Variants in WBP2 observed in about 807,000 individuals in gnomAD.
WBP2 encodes the protein WW domain binding protein 2.
Under a neutral mutation model 33.0 loss-of-function variants are expected in WBP2, and 23 were observed. The ratio of observed to expected loss-of-function variants is 0.70; its 90% CI spans 0.50 to 0.99. The LOEUF (loss-of-function observed/expected upper bound fraction) is 0.99, where lower values mean the gene tolerates loss of function less well. Ranked by LOEUF, WBP2 falls within the 50% of genes least tolerant of loss-of-function variation. The probability of loss-of-function intolerance (pLI) is 0.00; values close to 1 mark genes in which losing one functional copy is unlikely to be tolerated. For missense variants in WBP2, 353 were observed against 358.0 expected, an observed-to-expected ratio of 0.99 and a Z score of 0.11; for synonymous variants, 153 against 133.5, an observed-to-expected ratio of 1.15 and a Z score of -1.01.
chr17:75,847,349 G>C, intron 6 of WBP2, 138 bp downstream of exon 6: 2 of 1,374,456 alleles, frequency 1.5e-6, no homozygotes, highest in Non-Finnish European at 2.0e-6. Flanking sequence ...CCACAGCCCT[G>C]CTGGGCCCCT....
rs1040147482 is a variant in WBP2 at position 75,849,849 on chromosome 17, C to T, written c.169-110G>A. On this transcript the variant is annotated intron_variant, in intron 2 of 7. Transcript: ENST00000254806. Reference sequence around the variant, plus strand: ...ATCCTCTCCCAGTGCCAGGGTCCAGCAGCCCCATGGCTCTCTCTGTGCCAG... The same window carrying T: ...ATCCTCTCCCAGTGCCAGGGTCCAGTAGCCCCATGGCTCTCTCTGTGCCAG... 11 of 1,430,496 alleles carry T rather than the reference C, an allele frequency of 7.7e-6. No homozygotes were observed. In the African/African-American group the frequency reaches 1.3e-4, roughly 16 times the overall value. The allele number at this position is 1,430,496 out of a possible 1,614,324, so 88.6% of individuals were successfully genotyped here.
Position 75,847,831 on chromosome 17 carries a change from C to T in WBP2, c.497G>A (p.Cys166Tyr), listed in dbSNP as rs1437565981. The change falls in exon 5 of 8, where the codon TGC becomes TAC. Residue 166 changes from cysteine to tyrosine, a missense_variant. Cys to Tyr is a radical substitution (Grantham distance 194). Transcript: ENST00000254806. ...CGGTGGATAGGGGTAGCCAGGAGGG[C>T]AGGGGTACATTCCATTGGCGACTGG... is the stretch of plus-strand genomic sequence containing the variant. ...PPPVANGMYPCPPGYPYPPPP... is the reference protein window; with the variant it reads ...PPPVANGMYPYPPGYPYPPPP... 1 of 1,558,264 alleles carries T rather than the reference C, an allele frequency of 6.4e-7. No individual in the cohort carries two copies. Among genetic ancestry groups the T allele is most frequent in the Admixed American group, 1.9e-5 (1 of 51,580 alleles).
At chr17:75,847,105 G>A (rs955253744) in intron 6 of WBP2, 121 bp from the exon 7 acceptor site, 3 of 1,098,024 alleles carry the variant, frequency 2.7e-6, no homozygotes, top group Admixed American at 4.2e-5. Context: ...CCACCAATGA[G>A]AGCAGCAGGT....
intron 6 of WBP2, 125 bp downstream of exon 6, chr17:75,847,362 G>C (rs1448247407): frequency 1.4e-6 from 2 of 1,424,014 alleles, no homozygotes; most frequent in Non-Finnish European, 9.6e-7. Flanking sequence ...GGGCCCCTGG[G>C]GTAGTCCAGG....
intron 3 of WBP2, 144 bp downstream of exon 3, chr17:75,849,460 C>T: frequency 9.5e-7 from 1 of 1,049,846 alleles, no homozygotes; most frequent in Non-Finnish European, 1.4e-6. Flanking sequence ...CAATCAAACC[C>T]CACCAGCTGG....
chr17:75,848,786 C>T lies in WBP2; in HGVS notation c.305-124G>A, dbSNP rs1289492255. 7.4e-6 allele frequency: 6 copies of T among 815,364 alleles called. No homozygotes were observed. In the Admixed American group the frequency reaches 8.3e-5, roughly 11 times the overall value. 50.5% of individuals were successfully genotyped at this position (815,364 alleles called of 1,614,324 possible). ...GAGGCCTGCGGGGGCTGGGCCTGCA[C>T]TGTGATGGGGACTTCCTGGTGCCAT... On this transcript the variant is annotated intron_variant, in intron 3 of 7. Transcript: ENST00000254806.
In WBP2 at chr17:75,847,500, G is replaced by A. The variant is rs368282914; in HGVS notation, c.642C>T (p.Pro214=). 1.7e-5 allele frequency: 27 copies of A among 1,590,936 alleles called. No individual in the cohort carries two copies. Among genetic ancestry groups the A allele is most frequent in the East Asian group, 2.2e-5 (1 of 44,660 alleles). The part of the protein sequence containing the change: ...MEPPVSGPDV[P]STPAAEAKAA... ...AAGGGCCCTCACCTGCAGGAGTGGA[G>A]GGGACATCGGGGCCGCTGACCGGAG... Residue 214 remains proline (P), a synonymous_variant, in exon 6 of 8, where the codon CCC becomes CCT. Transcript: ENST00000254806.
intron 4 of WBP2, chr17:75,848,144 G>A (rs1193841426): frequency 4.6e-6 from 3 of 655,506 alleles, no homozygotes; most frequent in Admixed American, 2.7e-5. Context: ...GGAAGGCAAG[G>A]GAGGTCAAGG....
chr17:75,853,942 G>A (rs1006092116), intron 1 of WBP2, among the ~76,000 whole-genome samples: 2 of 150,634 alleles, frequency 1.3e-5, no homozygotes, highest in Non-Finnish European at 3.0e-5. Context: ...CTACTGGGGA[G>A]GCTGAGGCAG....
At chr17:75,847,291 T>C (rs995489224) in intron 6 of WBP2, 196 bp downstream of exon 6, 13 of 892,682 alleles carry the variant, frequency 1.5e-5, no homozygotes, top group Non-Finnish European at 2.1e-5. Context: ...GGCACATGGA[T>C]AGCTAAGGGA....
At chr17:75,851,791 C>A (rs946524258) in intron 1 of WBP2, 115 bp from the exon 2 acceptor site, 1 of 752,566 alleles carries the variant, frequency 1.3e-6, no homozygotes, top group Admixed American at 1.9e-5. Flanking sequence ...CATAACCTCT[C>A]AATAGTGCGG....
chr17:75,848,354 C>A, intron 4 of WBP2: 1 of 601,576 alleles, frequency 1.7e-6, no homozygotes, highest in Non-Finnish European at 3.0e-6. Context: ...AAAACGTCAT[C>A]CACCTGCCCC....
At chr17:75,848,051 G>A in intron 4 of WBP2, 121 bp from the exon 5 acceptor site, 1 of 1,333,418 alleles carries the variant, frequency 7.5e-7, no homozygotes, top group East Asian at 2.5e-5. Context: ...GACATCCTCT[G>A]TCCATCCCAC....
upstream of WBP2, among the ~76,000 whole-genome samples, chr17:75,855,741 G>T (rs1039117381): frequency 6.6e-6 from 1 of 152,274 alleles, no homozygotes; most frequent in Non-Finnish European, 1.5e-5. Flanking sequence ...AGTCCTGCTG[G>T]TCGAATGCGA....
chr17:75,853,066 C>T (rs556784891), intron 1 of WBP2, among the ~76,000 whole-genome samples: 24 of 152,166 alleles, frequency 1.6e-4, no homozygotes, highest in South Asian at 1.0e-3. Context: ...TTTTTTGAGA[C>T]GGAGTTTCAC....
intron 3 of WBP2, chr17:75,848,867 C>T: frequency 1.7e-6 from 1 of 597,016 alleles, no homozygotes; most frequent in East Asian, 2.8e-5. Flanking sequence ...CCTGGCCCTG[C>T]TGTACTCGCT....
chr17:75,846,596 T>C lies in WBP2; in HGVS notation c.*138A>G, dbSNP rs2064993248. 8.8e-7 allele frequency: 1 copy of C among 1,134,438 alleles called. No homozygotes were observed. The highest frequency in any genetic ancestry group is 2.1e-5 in the Admixed American group (1 of 47,836). 70.3% of individuals were successfully genotyped at this position (1,134,438 alleles called of 1,614,324 possible). A position where few individuals can be genotyped will look rare whatever the true frequency, so the allele number is the denominator to read the frequency against. Reference sequence around the variant, plus strand: ...GGCCGGGGGCCCTAATGTCCCACAATGCTAGTTCCTGGTAATTGTTTATGA... The same window carrying C: ...GGCCGGGGGCCCTAATGTCCCACAACGCTAGTTCCTGGTAATTGTTTATGA... On this transcript the variant is annotated 3_prime_UTR_variant, in exon 8 of 8. Coordinates refer to ENST00000254806, the MANE Select transcript of WBP2 (RefSeq NM_012478.4). This position sits in a 1 kb window ranked among gnomAD's most constrained non-coding sequence, Gnocchi z 4.8.
rs1360654199 is a variant in WBP2 at position 75,854,069 on chromosome 17, AAAGAG to A, written c.59+1165_59+1169del. On this transcript the variant is annotated intron_variant, in intron 1 of 7. Coordinates refer to ENST00000254806, the MANE Select transcript of WBP2 (RefSeq NM_012478.4). Reference sequence around the variant, plus strand: ...AAAAAAAAAAAAAAAAAAAAAAAAAAAAGAGAAGAGAAGTACTGCTCAGAGAAAAG... The same window carrying A: ...AAAAAAAAAAAAAAAAAAAAAAAAAAAAGAGAAGTACTGCTCAGAGAAAAG... Among the ~76,000 whole-genome samples the A allele has an allele frequency of 5.0e-4, 74 of 148,190 alleles. 1 individual carries two copies. Among genetic ancestry groups the A allele is most frequent in the Middle Eastern group, 6.9e-3 (2 of 288 alleles).
chr17:75,850,036 G>A (rs559420202), intron 2 of WBP2, among the ~76,000 whole-genome samples: 14 of 152,264 alleles, frequency 9.2e-5, no homozygotes, highest in African/African-American at 3.1e-4. Context: ...TGTTGCCTAA[G>A]TGAAGGGGCC....
Sources: gnomAD v4.1 joint callset for allele counts (sites outside exome capture counted in the v4.1 genomes callset) on GRCh38, gnomAD v4.1.1 for gene constraint, Gnocchi (gnomAD v3.1) non-coding constraint, MANE v1.5 for transcripts, NCBI Gene and HGNC (gene_info 2026-07-23, HGNC 2026-07-21) for gene names.